Variants in DTNB observed in about 807,000 individuals in gnomAD.
DTNB encodes DTN-B.
In DTNB, 63 loss-of-function variants were observed where a neutral mutation model predicts 90.7. The observed-to-expected ratio is 0.69, with a 90% CI of 0.57 to 0.86. The LOEUF (loss-of-function observed/expected upper bound fraction) is 0.86, where lower values mean the gene tolerates loss of function less well. Among genes scored for constraint, DTNB ranks in the 40% least tolerant of loss-of-function variants. The pLI, the probability that DTNB is intolerant of heterozygous loss-of-function variation, is 0.00. For missense variants in DTNB, 744 were observed against 807.1 expected, an observed-to-expected ratio of 0.92 and a Z score of 0.95; for synonymous variants, 277 against 286.7, an observed-to-expected ratio of 0.97 and a Z score of 0.34.
intron 10 of DTNB, among the ~76,000 whole-genome samples, chr2:25,467,539 A>T (rs1056911679): frequency 6.6e-6 from 1 of 152,060 alleles, no homozygotes; most frequent in Admixed American, 6.6e-5. Flanking sequence ...CCTAGCCTCA[A>T]GTGATCCTCC....
intron 4 of DTNB, among the ~76,000 whole-genome samples, chr2:25,614,999 C>G (rs539210396): frequency 3.3e-5 from 5 of 152,190 alleles, no homozygotes; most frequent in Non-Finnish European, 5.9e-5. Context: ...ATATCAGTAG[C>G]AAGTAGTAGG....
intron 9 of DTNB, among the ~76,000 whole-genome samples, chr2:25,513,592 G>A (rs1411836567): frequency 3.3e-5 from 5 of 152,044 alleles, no homozygotes; most frequent in East Asian, 3.9e-4. Context: ...GCATGGCTGC[G>A]GGTGTCCGTA....
chr2:25,637,083 A>G (rs1306508401), intron 3 of DTNB, among the ~76,000 whole-genome samples: 6 of 152,126 alleles, frequency 3.9e-5, no homozygotes, highest in Non-Finnish European at 8.8e-5. Context: ...TCTTTGACAA[A>G]CCTGACGAAA....
At chr2:25,522,085 G>A (rs190397041) in intron 9 of DTNB, among the ~76,000 whole-genome samples, 16 of 152,310 alleles carry the variant, frequency 1.1e-4, no homozygotes, top group African/African-American at 3.6e-4. Context: ...GCCTGTTAGA[G>A]GCATCCAGAG....
intron 3 of DTNB, among the ~76,000 whole-genome samples, chr2:25,634,161 G>T (rs1393282888): frequency 6.7e-6 from 1 of 149,720 alleles, no homozygotes; most frequent in African/African-American, 2.5e-5. Context: ...GGTGAAGGGC[G>T]CCTCTGCCCG....
At chr2:25,529,239 T>C (rs184643553) in intron 9 of DTNB, among the ~76,000 whole-genome samples, 263 of 152,290 alleles carry the variant, frequency 1.7e-3, no homozygotes, top group Non-Finnish European at 3.3e-3. Context: ...AATGGTGGCA[T>C]TGTAGTCAGT....
At chr2:25,416,414 G>A (rs980707169) in intron 16 of DTNB, among the ~76,000 whole-genome samples, 2 of 152,208 alleles carry the variant, frequency 1.3e-5, no homozygotes, top group Admixed American at 6.5e-5. Context: ...GCTCACGCCT[G>A]TAATCCCAAC....
At chr2:25,460,607 G>T (rs1474543921) in intron 10 of DTNB, among the ~76,000 whole-genome samples, 1 of 152,114 alleles carries the variant, frequency 6.6e-6, no homozygotes, top group African/African-American at 2.4e-5. Context: ...TGCAACAGGC[G>T]TTTCAAGTAG....
intron 16 of DTNB, among the ~76,000 whole-genome samples, chr2:25,410,186 G>A (rs2046245221): frequency 6.6e-6 from 1 of 152,198 alleles, no homozygotes; most frequent in Non-Finnish European, 1.5e-5. Context: ...TGGCTGAGGA[G>A]ATAATGTTTT....
At chr2:25,590,966 C>T (rs1398981849) in intron 6 of DTNB, among the ~76,000 whole-genome samples, 1 of 152,240 alleles carries the variant, frequency 6.6e-6, no homozygotes, top group Non-Finnish European at 1.5e-5. Flanking sequence ...AGGCCCGTGG[C>T]CTTCCTCCCA....
At chr2:25,646,249 G>A (rs933156943) in intron 2 of DTNB, among the ~76,000 whole-genome samples, 5 of 152,080 alleles carry the variant, frequency 3.3e-5, no homozygotes, top group Admixed American at 3.3e-4. Flanking sequence ...GTCGAGGTGG[G>A]CGGATCACCT....
chr2:25,655,599 T>C (rs1030720980), intron 1 of DTNB, among the ~76,000 whole-genome samples: 1 of 152,214 alleles, frequency 6.6e-6, no homozygotes, highest in African/African-American at 2.4e-5. Context: ...AAAGGGCATC[T>C]GGAGCCAGTC....
chr2:25,555,747 G>T lies in DTNB; in HGVS notation c.876+21091C>A, dbSNP rs145165110. On this transcript the variant is annotated intron_variant, in intron 8 of 20. Coordinates refer to ENST00000406818, the MANE Select transcript of DTNB (RefSeq NM_021907.5). Reference sequence around the variant, plus strand: ...TAGATCTTTCCTGGCTGGGTACAGTGGCTCACTCCTGTAATCCCAGTCCTT... The same window carrying T: ...TAGATCTTTCCTGGCTGGGTACAGTTGCTCACTCCTGTAATCCCAGTCCTT... Among the ~76,000 whole-genome samples the T allele has an allele frequency of 2.1e-3, 322 of 152,258 alleles. 7 individuals carry two copies. The East Asian group carries it at 0.052, about 25-fold the overall frequency.
chr2:25,584,504 TA>T (rs1397034677), intron 6 of DTNB, among the ~76,000 whole-genome samples: 1 of 152,204 alleles, frequency 6.6e-6, no homozygotes, highest in Non-Finnish European at 1.5e-5. Context: ...TATGTTAACA[TA>T]TAATAGGTTC....
At chr2:25,631,407 CA>C (rs2075719636) in intron 3 of DTNB, among the ~76,000 whole-genome samples, 1 of 151,778 alleles carries the variant, frequency 6.6e-6, no homozygotes, top group Non-Finnish European at 1.5e-5. Context: ...CCCATCTCCA[CA>C]AAAAATTTTT....
chr2:25,454,089 G>C (rs2059655152), intron 11 of DTNB, among the ~76,000 whole-genome samples: 1 of 151,630 alleles, frequency 6.6e-6, no homozygotes, highest in African/African-American at 2.4e-5. Context: ...GGCAGAGCTT[G>C]CAGTGAGCTG....
chr2:25,603,188 C>T (rs943347564), intron 5 of DTNB, among the ~76,000 whole-genome samples: 2 of 151,966 alleles, frequency 1.3e-5, no homozygotes, highest in Non-Finnish European at 2.9e-5. Context: ...TAAATTTCTT[C>T]GAAAACAAAT....
chr2:25,579,967 G>A (rs1295156999), intron 7 of DTNB, among the ~76,000 whole-genome samples: 1 of 140,158 alleles, frequency 7.1e-6, no homozygotes, highest in Non-Finnish European at 1.5e-5. Flanking sequence ...GACTACTATA[G>A]TATCCTTTCT....
chr2:25,495,479 T>C (rs1356301122), intron 9 of DTNB, among the ~76,000 whole-genome samples: 1 of 152,234 alleles, frequency 6.6e-6, no homozygotes, highest in Non-Finnish European at 1.5e-5. Context: ...AGTTTTCTTA[T>C]TATTCCATTA....
Sources: allele counts gnomAD v4.1 joint callset (sites outside exome capture counted in the v4.1 genomes callset), GRCh38; gene constraint gnomAD v4.1.1; transcripts MANE v1.5; gene names NCBI Gene and HGNC (gene_info 2026-07-23, HGNC 2026-07-21).